Variants in DHRS7B observed in about 807,000 individuals in gnomAD.
The protein encoded by DHRS7B is peroxisomal reductase activating PPAR-gamma.
DHRS7B carries 24 observed loss-of-function variants against 26.4 expected under a neutral mutation model. The observed-to-expected ratio is 0.91, with a 90% CI of 0.66 to 1.28. DHRS7B has a LOEUF of 1.28. Among genes scored for constraint, DHRS7B ranks in the 50% most tolerant of loss-of-function variants. The probability of loss-of-function intolerance (pLI) is 0.00; values close to 1 mark genes in which losing one functional copy is unlikely to be tolerated. For missense variants in DHRS7B, 368 were observed against 419.4 expected (o/e 0.88, Z 1.07); for synonymous variants, 142 against 166.4 (o/e 0.85, Z 1.13).
At chr17:21,150,120 A>AACAAC (rs1567619788) in intron 1 of DHRS7B, among the ~76,000 whole-genome samples, 2 of 149,838 alleles carry the variant, frequency 1.3e-5, no homozygotes, top group Non-Finnish European at 3.0e-5. Flanking sequence ...AAAAAAAAAA[A>AACAAC]AAAAAAAAAA....
At chr17:21,143,781 A>G (rs1380482544) in intron 1 of DHRS7B, among the ~76,000 whole-genome samples, 1 of 152,122 alleles carries the variant, frequency 6.6e-6, no homozygotes, top group African/African-American at 2.4e-5. Flanking sequence ...CTGACTGCTG[A>G]CTCTTCGGGG....
chr17:21,134,048 A>G (rs1973292615), intron 1 of DHRS7B, among the ~76,000 whole-genome samples: 1 of 152,240 alleles, frequency 6.6e-6, no homozygotes, highest in African/African-American at 2.4e-5. Context: ...AAAAAAACTG[A>G]AAACATTATT....
intron 1 of DHRS7B, among the ~76,000 whole-genome samples, chr17:21,158,349 G>A (rs923103391): frequency 1.3e-5 from 2 of 152,204 alleles, no homozygotes; most frequent in Non-Finnish European, 2.9e-5. Flanking sequence ...AAATGAAAAT[G>A]TATTTGTTCA....
At chr17:21,136,317 A>G (rs1973340264) in intron 1 of DHRS7B, among the ~76,000 whole-genome samples, 1 of 150,794 alleles carries the variant, frequency 6.6e-6, no homozygotes, top group African/African-American at 2.4e-5. Flanking sequence ...AAAAAGAAAA[A>G]GATTTAGCAA....
chr17:21,136,595 A>G (rs1184846105), intron 1 of DHRS7B, among the ~76,000 whole-genome samples: 1 of 151,942 alleles, frequency 6.6e-6, no homozygotes, highest in Non-Finnish European at 1.5e-5. Context: ...TCTGTTGCCC[A>G]GACTGAAGTG....
intron 1 of DHRS7B, among the ~76,000 whole-genome samples, chr17:21,138,066 T>TTAAAAAAAAAAA (rs71357468): frequency 1.7e-4 from 6 of 35,244 alleles, no homozygotes; most frequent in African/African-American, 8.7e-4. Flanking sequence ...CGGCCTCTTT[T>TTAAAAAAAAAAA]AAAAAAAAAA....
At chr17:21,157,961 A>G (rs1478926538) in intron 1 of DHRS7B, among the ~76,000 whole-genome samples, 1 of 152,128 alleles carries the variant, frequency 6.6e-6, no homozygotes, top group African/African-American at 2.4e-5. Flanking sequence ...AAAAATAATA[A>G]TAATCCATCA....
chr17:21,150,128 A>C (rs986299048), intron 1 of DHRS7B, among the ~76,000 whole-genome samples: 8 of 151,168 alleles, frequency 5.3e-5, no homozygotes, highest in Non-Finnish European at 8.8e-5. Flanking sequence ...AAAAAAAAAA[A>C]AAAACTAAGG....
rs758359356 is a variant in DHRS7B, at chr17:21,172,133, G to A, written c.136G>A (p.Gly46Arg). 20 of 1,613,952 alleles carry A rather than the reference G, an allele frequency of 1.2e-5. No homozygotes were observed. The highest frequency in any genetic ancestry group is 2.2e-5 in the East Asian group (1 of 44,882). ...GLFRLLQWVR[G>R]KAYLRNAVVV... ...CTTCCGGCTGCTGCAGTGGGTGCGC[G>A]GGAAGGCCTACCTGCGGAATGCTGT... The change falls in exon 2 of 7, where the codon GGG becomes AGG. Residue 46 changes from glycine (G) to arginine (R), a missense_variant. Physicochemically the swap from Gly to Arg is moderately radical, Grantham distance 125. Coordinates refer to ENST00000395511, the MANE Select transcript of DHRS7B (RefSeq NM_015510.5).
intron 1 of DHRS7B, among the ~76,000 whole-genome samples, chr17:21,157,343 A>C (rs1456095856): frequency 6.6e-6 from 1 of 152,276 alleles, no homozygotes; most frequent in Admixed American, 6.5e-5. Flanking sequence ...GCAATAATGT[A>C]TGAAAATGAC....
At position 21,184,551 on chromosome 17, in the gene DHRS7B, CA is replaced by C. The variant is rs879220173; in HGVS notation, c.619+89del. ...ACACATTTACTATCTAGAATTTAGA[CA>C]TTGTAGAAATAAACTATCCAGAATG... On this transcript the variant is annotated intron_variant, in intron 5 of 6. Transcript: ENST00000395511. 12 of 1,320,664 alleles carry C rather than the reference CA, an allele frequency of 9.1e-6. No homozygotes were observed. In the South Asian group the frequency reaches 1.2e-4, roughly 13 times the overall value. The allele number at this position is 1,320,664 out of a possible 1,614,324, so 81.8% of individuals were successfully genotyped here.
At chr17:21,178,719 C>A (rs1013846815) in intron 3 of DHRS7B, among the ~76,000 whole-genome samples, 2 of 150,542 alleles carry the variant, frequency 1.3e-5, no homozygotes, top group Non-Finnish European at 2.9e-5. Context: ...AGTGCAATGG[C>A]CCAATCTCGG....
chr17:21,171,400 C>T (rs563727591), intron 1 of DHRS7B, among the ~76,000 whole-genome samples: 5 of 152,206 alleles, frequency 3.3e-5, no homozygotes, highest in South Asian at 2.1e-4. Context: ...GCACGCTCAC[C>T]GGCCGGAGCC....
chr17:21,156,979 C>G (rs1482509266), intron 1 of DHRS7B, among the ~76,000 whole-genome samples: 3 of 150,778 alleles, frequency 2.0e-5, no homozygotes, highest in Non-Finnish European at 4.4e-5. Context: ...ATGAAATAGA[C>G]CAATTCCATG....
In DHRS7B at chr17:21,188,641, G is replaced by A. The variant is rs1488802274; in HGVS notation, c.620-70G>A. 3 of 1,473,896 alleles carry A rather than the reference G, an allele frequency of 2.0e-6. No homozygotes were observed. In the Admixed American group the frequency reaches 6.9e-5, roughly 34 times the overall value. The allele number at this position is 1,473,896 out of a possible 1,614,324, so 91.3% of individuals were successfully genotyped here. On this transcript the variant is annotated intron_variant, in intron 5 of 6. Transcript: ENST00000395511. The stretch of plus-strand genomic sequence containing the variant: ...CAAAACAGAGAGCGTGAATGGTAGT[G>A]AATAGTTGGGCACCAGGCCATGCCC...
intron 5 of DHRS7B, among the ~76,000 whole-genome samples, chr17:21,187,092 A>AAT (rs753119146): frequency 0.15 from 8,267 of 57,006 alleles, 312 homozygotes; most frequent in Middle Eastern, 0.24. Context: ...TCTGTATTAA[A>AAT]AGATATATAT....
At chr17:21,152,661 G>C (rs1973797590) in intron 1 of DHRS7B, among the ~76,000 whole-genome samples, 1 of 152,202 alleles carries the variant, frequency 6.6e-6, no homozygotes, top group Admixed American at 6.5e-5. Flanking sequence ...AAATATGCCA[G>C]AGCATTCTGC....
intron 2 of DHRS7B, among the ~76,000 whole-genome samples, chr17:21,176,339 G>T (rs1974378770): frequency 6.6e-6 from 1 of 151,952 alleles, no homozygotes; most frequent in Non-Finnish European, 1.5e-5. Context: ...AGTGGCTCAT[G>T]CCTGTAATCT....
At chr17:21,166,092 C>T (rs915704416) in intron 1 of DHRS7B, 9 of 953,732 alleles carry the variant, frequency 9.4e-6, no homozygotes, top group African/African-American at 3.5e-5. Flanking sequence ...CATCATATTA[C>T]AGGGCCCGGG....
Sources: gnomAD v4.1 joint callset for allele counts (sites outside exome capture counted in the v4.1 genomes callset) on GRCh38, gnomAD v4.1.1 for gene constraint, MANE v1.5 for transcripts, NCBI Gene and HGNC (gene_info 2026-07-23, HGNC 2026-07-21) for gene names.